CCDC146: variants seen among roughly 807,000 people sequenced by gnomAD.
CCDC146 encodes coiled-coil domain-containing protein 146.
CCDC146 carries 92 observed loss-of-function variants against 119.3 expected under a neutral mutation model. That is an observed-to-expected ratio of 0.77 (90% CI 0.65 to 0.92). The LOEUF is 0.92. Among genes scored for constraint, CCDC146 ranks in the 40% least tolerant of loss-of-function variants. The pLI is 0.00. For synonymous variants in CCDC146, 372 were observed against 371.8 expected (o/e 1.00, Z -0.01); for missense variants, 1,000 against 1,103.0 (o/e 0.91, Z 1.32).
intron 1 of CCDC146, among the ~76,000 whole-genome samples, chr7:77,138,915 A>G (rs1300985921): frequency 6.6e-6 from 1 of 152,260 alleles, no homozygotes; most frequent in South Asian, 2.1e-4. Context: ...TATTGCTGTG[A>G]AAGTGCAAAA....
chr7:77,271,526 A>C (rs1162143142), intron 9 of CCDC146, among the ~76,000 whole-genome samples: 3 of 1,670 alleles, frequency 1.8e-3, no homozygotes, highest in Non-Finnish European at 7.1e-3. Flanking sequence ...ATATATATAT[A>C]TATATATATA....
intron 1 of CCDC146, among the ~76,000 whole-genome samples, chr7:77,155,744 C>T (rs1177465248): frequency 1.3e-5 from 2 of 152,016 alleles, no homozygotes; most frequent in Non-Finnish European, 2.9e-5. Flanking sequence ...TATTATTAGG[C>T]GCCCTGAACA....
At chr7:77,274,732 C>A in intron 11 of CCDC146, 80 bp downstream of exon 11, 1 of 1,102,496 alleles carries the variant, frequency 9.1e-7, no homozygotes, top group Non-Finnish European at 1.3e-6. Context: ...TGCATTAGGA[C>A]ATGGATGAAG....
chr7:77,186,745 C>T (rs1390539866), intron 2 of CCDC146, among the ~76,000 whole-genome samples: 2 of 152,044 alleles, frequency 1.3e-5, no homozygotes, highest in Non-Finnish European at 2.9e-5. Context: ...AATCAGGCAG[C>T]CCCCAAAATC....
In CCDC146 at chr7:77,264,236, T is replaced by G. The variant is rs1793357725; in HGVS notation, c.1173+1929T>G. On this transcript the variant is annotated intron_variant, in intron 9 of 18. Transcript: ENST00000285871. ...CACTATCTTTTGGCGTGTTAGATTCTGCATGGTATTATTTACTTTGATTTT... is the reference window on the plus strand; with the variant it reads ...CACTATCTTTTGGCGTGTTAGATTCGGCATGGTATTATTTACTTTGATTTT... Among the ~76,000 whole-genome samples the G allele has an allele frequency of 3.3e-5, 5 of 152,126 alleles. No homozygotes were observed. In the South Asian group the frequency reaches 1.0e-3, roughly 31 times the overall value.
At chr7:77,239,891 G>A (rs1348860665) in intron 3 of CCDC146, among the ~76,000 whole-genome samples, 1 of 152,182 alleles carries the variant, frequency 6.6e-6, no homozygotes, top group Non-Finnish European at 1.5e-5. Flanking sequence ...CAAGGTCATA[G>A]AATATAACTG....
chr7:77,203,999 A>G (rs1251173456), intron 2 of CCDC146, among the ~76,000 whole-genome samples: 1 of 151,898 alleles, frequency 6.6e-6, no homozygotes, highest in Non-Finnish European at 1.5e-5. Flanking sequence ...TTCCTAAAGT[A>G]AATTTTTGTT....
intron 2 of CCDC146, among the ~76,000 whole-genome samples, chr7:77,225,022 G>A (rs1792479257): frequency 6.6e-6 from 1 of 152,214 alleles, no homozygotes; most frequent in Admixed American, 6.5e-5. Context: ...GGAGCACTAT[G>A]CCCAAGATGG....
intron 1 of CCDC146, among the ~76,000 whole-genome samples, chr7:77,149,696 CA>C (rs541390530): frequency 9.9e-5 from 15 of 150,916 alleles, no homozygotes; most frequent in Non-Finnish European, 1.8e-4. Context: ...ACCTGGGAAG[CA>C]GAGGTTGCAG....
intron 2 of CCDC146, among the ~76,000 whole-genome samples, chr7:77,203,982 G>A (rs1792041147): frequency 6.6e-6 from 1 of 151,522 alleles, no homozygotes; most frequent in African/African-American, 2.4e-5. Flanking sequence ...TCTATAACTG[G>A]ATCAGATTCC....
intron 1 of CCDC146, among the ~76,000 whole-genome samples, chr7:77,128,876 A>G (rs1790744877): frequency 6.6e-6 from 1 of 152,110 alleles, no homozygotes; most frequent in African/African-American, 2.4e-5. Flanking sequence ...CATAAGGCAA[A>G]ATCTTTAAGA....
intron 1 of CCDC146, among the ~76,000 whole-genome samples, chr7:77,126,216 ATTGT>A (rs1316619002): frequency 6.6e-6 from 1 of 151,972 alleles, no homozygotes; most frequent in Non-Finnish European, 1.5e-5. Flanking sequence ...AGATGATCAT[ATTGT>A]TTTTCTTCTG....
chr7:77,123,833 G>C (rs2539099), intron 1 of CCDC146, among the ~76,000 whole-genome samples: 6 of 151,982 alleles, frequency 3.9e-5, no homozygotes, highest in African/African-American at 1.2e-4. Context: ...TCTAGTCCTT[G>C]CTCCCTCCTT....
In CCDC146 at chr7:77,133,471, C is replaced by A. The variant is rs534232342; in HGVS notation, c.-12+10739C>A. Among the ~76,000 whole-genome samples, 4 of 152,044 alleles carry A rather than the reference C, an allele frequency of 2.6e-5. 1 individual carries two copies. Among genetic ancestry groups the A allele is most frequent in the African/African-American group, 9.6e-5 (4 of 41,470 alleles). On this transcript the variant is annotated intron_variant, in intron 1 of 18. Transcript: ENST00000285871. Reference sequence around the variant, plus strand: ...GTTCAAGCAATTCTCCTGCCTCATCCCCACTTAGTAGCTGGGACTACAGGT... The same window carrying A: ...GTTCAAGCAATTCTCCTGCCTCATCACCACTTAGTAGCTGGGACTACAGGT...
Position 77,292,987 on chromosome 7 carries a change from T to C in CCDC146, c.2451T>C (p.Thr817=), listed in dbSNP as rs767278576. 6.2e-7 allele frequency: 1 copy of C among 1,613,874 alleles called. No homozygotes were observed. Among genetic ancestry groups the C allele is most frequent in the Non-Finnish European group, 8.5e-7 (1 of 1,179,940 alleles). ...ATCAAAGAAGGATCAAAAATGCAAC[T>C]GAGAAAATGATGGCTCTTGTTGCTG... The part of the protein sequence containing the change: ...NGYQRRIKNA[T]EKMMALVAEL... Residue 817 remains threonine (T), a synonymous_variant, in exon 18 of 19, where the codon ACT becomes ACC. Transcript: ENST00000285871.
chr7:77,236,378 A>G (rs940021495), intron 2 of CCDC146, among the ~76,000 whole-genome samples: 2 of 152,232 alleles, frequency 1.3e-5, no homozygotes, highest in East Asian at 1.9e-4. Context: ...AGGCAAAGGC[A>G]TCACGGTACA....
chr7:77,208,675 C>A (rs1792123364), intron 2 of CCDC146, among the ~76,000 whole-genome samples: 1 of 152,166 alleles, frequency 6.6e-6, no homozygotes, highest in Admixed American at 6.5e-5. Flanking sequence ...TTTTAACCTA[C>A]TTCCCTAACT....
chr7:77,279,160 C>A, intron 13 of CCDC146, 59 bp downstream of exon 13: 1 of 1,559,486 alleles, frequency 6.4e-7, no homozygotes, highest in Non-Finnish European at 8.7e-7. Flanking sequence ...CATTTGAACT[C>A]TAAAAATCCT....
chr7:77,129,847 C>G (rs1013826871), intron 1 of CCDC146, among the ~76,000 whole-genome samples: 6 of 152,130 alleles, frequency 3.9e-5, no homozygotes, highest in African/African-American at 1.5e-4. Flanking sequence ...ATTCTTCAAA[C>G]ATATTTATAA....
Sources: allele counts gnomAD v4.1 joint callset (sites outside exome capture counted in the v4.1 genomes callset), GRCh38; gene constraint gnomAD v4.1.1; transcripts MANE v1.5; gene names NCBI Gene and HGNC (gene_info 2026-07-23, HGNC 2026-07-21).